CYTH1: variants seen among roughly 807,000 people sequenced by gnomAD.
CYTH1 encodes the protein cytohesin-1.
A neutral mutation model predicts 61.8 loss-of-function variants in CYTH1; 18 were observed. The ratio of observed to expected loss-of-function variants is 0.29; its 90% CI spans 0.20 to 0.43. CYTH1 has a LOEUF of 0.43. Among genes scored for constraint, CYTH1 ranks in the 20% least tolerant of loss-of-function variants. The probability of loss-of-function intolerance (pLI) is 1.00; values close to 1 mark genes in which losing one functional copy is unlikely to be tolerated. For missense variants in CYTH1, 336 were observed against 510.5 expected, an observed-to-expected ratio of 0.66 and a Z score of 3.29; for synonymous variants, 174 against 184.3, an observed-to-expected ratio of 0.94 and a Z score of 0.45.
At chr17:78,727,946 G>C (rs2093275090) in intron 1 of CYTH1, 1 of 310,858 alleles carries the variant, frequency 3.2e-6, no homozygotes, top group Non-Finnish European at 6.6e-6. Flanking sequence ...ACCCACTCCA[G>C]AACTAGCTGA....
intron 1 of CYTH1, among the ~76,000 whole-genome samples, chr17:78,750,123 C>G (rs898989989): frequency 9.2e-5 from 14 of 152,118 alleles, no homozygotes; most frequent in African/African-American, 3.4e-4. Context: ...ATGTGGCATC[C>G]AGGCAAGTAA....
rs1180482776 is a variant in CYTH1, at chr17:78,760,477, ATATGTATG to A, written c.22+21717_22+21724del. On this transcript the variant is annotated intron_variant, in intron 1 of 13. Coordinates refer to ENST00000446868, the MANE Select transcript of CYTH1 (RefSeq NM_004762.6). ...TATACATACATATATATATGTATATATATGTATGTATATATATATACATATATATGTAT... is the reference window on the plus strand; with the variant it reads ...TATACATACATATATATATGTATATATATATATATATACATATATATGTAT... Among the ~76,000 whole-genome samples the A allele has an allele frequency of 1.2e-4, 6 of 51,904 alleles. 1 individual carries two copies. The highest frequency in any genetic ancestry group is 1.6e-4 in the African/African-American group (2 of 12,806). The allele number at this position is 51,904 out of a possible 152,430, so 34.1% of individuals were successfully genotyped here.
At chr17:78,686,823 C>T (rs2092821543) in intron 11 of CYTH1, among the ~76,000 whole-genome samples, 1 of 151,830 alleles carries the variant, frequency 6.6e-6, no homozygotes, top group Admixed American at 6.6e-5. Flanking sequence ...CTTTTGTTGC[C>T]CAGGCTGGAG....
chr17:78,716,259 G>T (rs2093179604), intron 1 of CYTH1, among the ~76,000 whole-genome samples: 1 of 152,172 alleles, frequency 6.6e-6, no homozygotes, highest in South Asian at 2.1e-4. Flanking sequence ...GGCTGCTTTG[G>T]GGAGTGGGTC....
At chr17:78,681,604 C>T (rs71385977) in intron 11 of CYTH1, among the ~76,000 whole-genome samples, 3 of 152,208 alleles carry the variant, frequency 2.0e-5, no homozygotes, top group Non-Finnish European at 4.4e-5. Context: ...GCTGCACCCG[C>T]CAACTAGTCC....
At chr17:78,714,032 G>GT (rs2093160151) in intron 1 of CYTH1, among the ~76,000 whole-genome samples, 1 of 152,166 alleles carries the variant, frequency 6.6e-6, no homozygotes, top group Admixed American at 6.5e-5. Flanking sequence ...GTCCACGCCT[G>GT]TAATCCTAGC....
chr17:78,782,168 G>A (rs2093521663), intron 1 of CYTH1, 34 bp downstream of exon 1: 4 of 1,355,322 alleles, frequency 3.0e-6, no homozygotes, highest in East Asian at 3.4e-5. Flanking sequence ...GGGGGACAGC[G>A]AGGGGGAAGC....
intron 13 of CYTH1, chr17:78,677,246 C>T: frequency 2.7e-6 from 1 of 374,840 alleles, no homozygotes; most frequent in Non-Finnish European, 5.3e-6. Flanking sequence ...GGGTGAATCT[C>T]CCTTGGCTTC....
At chr17:78,676,404 C>G (rs547066115) in intron 13 of CYTH1, 1 of 547,024 alleles carries the variant, frequency 1.8e-6, no homozygotes, top group Admixed American at 3.5e-5. Flanking sequence ...GGGTTTTTAC[C>G]TGTTTCAACA....
At position 78,692,502 on chromosome 17, in the gene CYTH1, C is replaced by CA. The variant is rs1402277665; in HGVS notation, c.815-10dup. ...AGTCTTTACCCTGCCACCTGCAGAGCAAAAAGAGATGCACGTTCGACAAGA... is the reference window on the plus strand; with the variant it reads ...AGTCTTTACCCTGCCACCTGCAGAGCAAAAAAGAGATGCACGTTCGACAAGA... On this transcript the variant is annotated splice_polypyrimidine_tract_variant and intron_variant, in intron 10 of 13. Coordinates refer to ENST00000446868, the MANE Select transcript of CYTH1 (RefSeq NM_004762.6). 2.5e-6 allele frequency: 4 copies of CA among 1,613,364 alleles called. No individual in the cohort carries two copies. The highest frequency in any genetic ancestry group is 3.4e-6 in the Non-Finnish European group (4 of 1,179,838).
intron 1 of CYTH1, among the ~76,000 whole-genome samples, chr17:78,763,369 C>T (rs1177350411): frequency 6.6e-6 from 1 of 151,846 alleles, no homozygotes; most frequent in Non-Finnish European, 1.5e-5. Context: ...TTGTCAAACA[C>T]CTTAATACTT....
chr17:78,754,718 T>C (rs2093394056), intron 1 of CYTH1, among the ~76,000 whole-genome samples: 1 of 151,846 alleles, frequency 6.6e-6, no homozygotes, highest in South Asian at 2.1e-4. Context: ...AAGTTTTATG[T>C]CACTTTTTTA....
chr17:78,677,270 C>A, intron 13 of CYTH1: 1 of 364,592 alleles, frequency 2.7e-6, no homozygotes, highest in Non-Finnish European at 5.4e-6. Context: ...GGTAGGCCAA[C>A]CCTTTCGGGT....
intron 7 of CYTH1, among the ~76,000 whole-genome samples, chr17:78,699,347 G>A (rs558033834): frequency 1.8e-4 from 27 of 150,676 alleles, no homozygotes; most frequent in Non-Finnish European, 2.9e-4. Flanking sequence ...CTGGGCGACA[G>A]AGTGAGACTC....
intron 10 of CYTH1, 64 bp downstream of exon 10, chr17:78,695,943 C>T (rs1346773175): frequency 7.3e-7 from 1 of 1,361,642 alleles, no homozygotes; most frequent in Non-Finnish European, 9.8e-7. Context: ...ATAACGAAAT[C>T]AGAAAATGCT....
intron 5 of CYTH1, 81 bp from the exon 6 acceptor site, chr17:78,701,832 C>T: frequency 7.1e-7 from 1 of 1,400,350 alleles, no homozygotes; most frequent in Non-Finnish European, 1.0e-6. Context: ...GCCATGTCTC[C>T]TACACTGCGT....
intron 11 of CYTH1, 174 bp from the exon 12 acceptor site, chr17:78,681,216 G>A (rs531183726): frequency 2.2e-5 from 14 of 637,674 alleles, no homozygotes; most frequent in Non-Finnish European, 3.8e-5. Flanking sequence ...AAAAATGTCT[G>A]AGGATTGTCA....
intron 11 of CYTH1, among the ~76,000 whole-genome samples, chr17:78,688,610 A>G (rs1428943531): frequency 6.6e-6 from 1 of 152,228 alleles, no homozygotes; most frequent in Admixed American, 6.5e-5. Flanking sequence ...GGCTTTGGCA[A>G]TGCGGTTAGA....
chr17:78,726,113 G>A (rs1019131750), intron 1 of CYTH1, among the ~76,000 whole-genome samples: 3 of 146,090 alleles, frequency 2.1e-5, no homozygotes, highest in Non-Finnish European at 3.0e-5. Context: ...GCGCGATCTC[G>A]GCTCACTGCA....
Sources: allele counts gnomAD v4.1 joint callset (sites outside exome capture counted in the v4.1 genomes callset), GRCh38; gene constraint gnomAD v4.1.1; transcripts MANE v1.5; gene names NCBI Gene and HGNC (gene_info 2026-07-23, HGNC 2026-07-21).